INPP5F: variants seen among roughly 807,000 people sequenced by gnomAD.
INPP5F encodes inositol polyphosphate-5-phosphatase F.
INPP5F carries 97 observed loss-of-function variants against 137.2 expected under a neutral mutation model. The observed-to-expected ratio is 0.71, with a 90% CI of 0.60 to 0.84. INPP5F has a LOEUF of 0.84. Among genes scored for constraint, INPP5F ranks in the 40% least tolerant of loss-of-function variants. The pLI, the probability that INPP5F is intolerant of heterozygous loss-of-function variation, is 0.00. For synonymous variants in INPP5F, 504 were observed against 476.9 expected, an observed-to-expected ratio of 1.06 and a Z score of -0.74; for missense variants, 1,271 against 1,371.9, an observed-to-expected ratio of 0.93 and a Z score of 1.16.
intron 1 of INPP5F, among the ~76,000 whole-genome samples, chr10:119,743,115 A>G (rs1848425736): frequency 6.6e-6 from 1 of 152,220 alleles, no homozygotes; most frequent in Admixed American, 6.5e-5. Context: ...TCTTTGTCTC[A>G]AATAGACCAG....
chr10:119,760,308 G>A (rs558396572), intron 2 of INPP5F, among the ~76,000 whole-genome samples: 4 of 152,230 alleles, frequency 2.6e-5, no homozygotes, highest in East Asian at 1.9e-4. Context: ...GTGCAGTGGC[G>A]CGTGCCTGTA....
chr10:119,780,323 C>T (rs1005059033), intron 2 of INPP5F, among the ~76,000 whole-genome samples: 1 of 151,912 alleles, frequency 6.6e-6, no homozygotes, highest in African/African-American at 2.4e-5. Context: ...GCCTATAATC[C>T]CAGCACTTTG....
chr10:119,817,627 A>G (rs963924737), intron 15 of INPP5F, among the ~76,000 whole-genome samples: 1 of 151,588 alleles, frequency 6.6e-6, no homozygotes, highest in Admixed American at 6.6e-5. Context: ...CTTGTTGGCT[A>G]TTTCTGTGTC....
rs1299367714 is a variant in INPP5F at position 119,822,180 on chromosome 10, G to A, written c.1959-251G>A. 5.3e-5 allele frequency among the ~76,000 whole-genome samples: 8 copies of A among 152,056 alleles called. No individual in the cohort carries two copies. The East Asian group carries it at 1.2e-3, about 22-fold the overall frequency. ...TGGGATTACAGGTGTGAGCCACCACGCCTGGCCGTAGTTGCTTTTTTTAAC... is the reference window on the plus strand; with the variant it reads ...TGGGATTACAGGTGTGAGCCACCACACCTGGCCGTAGTTGCTTTTTTTAAC... On this transcript the variant is annotated intron_variant, in intron 16 of 19. Transcript: ENST00000650623.
chr10:119,747,699 G>C (rs542739309), intron 1 of INPP5F, among the ~76,000 whole-genome samples: 5 of 152,048 alleles, frequency 3.3e-5, no homozygotes, highest in Non-Finnish European at 4.4e-5. Context: ...ATTAATTAGA[G>C]AGGCAAATAT....
rs1004776498 is a variant in INPP5F, at chr10:119,748,133, C to T, written c.98-2943C>T. On this transcript the variant is annotated intron_variant, in intron 1 of 19. Coordinates refer to ENST00000650623, the MANE Select transcript of INPP5F (RefSeq NM_014937.4). This position sits in a 1 kb window ranked among gnomAD's most constrained non-coding sequence, Gnocchi z 4.7. ...CGAGTGGTGTATGAGCGAGCGTGCA[C>T]GGTCCAGACACTATGCACAGCCAGG... Among the ~76,000 whole-genome samples, 12 of 152,186 alleles carry T rather than the reference C, an allele frequency of 7.9e-5. No homozygotes were observed. Among genetic ancestry groups the T allele is most frequent in the South Asian group, 6.2e-4 (3 of 4,832 alleles).
At chr10:119,801,592 T>C (rs1237119708) in intron 9 of INPP5F, among the ~76,000 whole-genome samples, 1 of 152,050 alleles carries the variant, frequency 6.6e-6, no homozygotes, top group Non-Finnish European at 1.5e-5. Flanking sequence ...ATTTAAAAAT[T>C]AGCCAGGCCT....
rs1850768041 is a variant in INPP5F, at chr10:119,806,052, T to A, written c.1320-308T>A. On this transcript the variant is annotated intron_variant, in intron 11 of 19. Coordinates refer to ENST00000650623, the MANE Select transcript of INPP5F (RefSeq NM_014937.4). Reference sequence around the variant, plus strand: ...CAACGGTGTTTTAAAGTGCCTTCTGTTTTTTTACATGTAGGAAAACATAAC... The same window carrying A: ...CAACGGTGTTTTAAAGTGCCTTCTGATTTTTTACATGTAGGAAAACATAAC... 2.0e-5 allele frequency among the ~76,000 whole-genome samples: 3 copies of A among 152,248 alleles called. 1 individual carries two copies. Among genetic ancestry groups the A allele is most frequent in the Admixed American group, 6.5e-5 (1 of 15,292 alleles).
At chr10:119,764,557 A>G (rs1808625133) in intron 2 of INPP5F, among the ~76,000 whole-genome samples, 1 of 151,720 alleles carries the variant, frequency 6.6e-6, no homozygotes, top group African/African-American at 2.4e-5. Flanking sequence ...TGAGTAGTAA[A>G]TACATTTTCT....
Position 119,791,582 on chromosome 10 carries a change from A to C in INPP5F, c.381A>C (p.Ser127=). The C allele has an allele frequency of 6.2e-7, 1 of 1,604,168 alleles. No homozygotes were observed. The highest frequency in any genetic ancestry group is 8.5e-7 in the Non-Finnish European group (1 of 1,171,640). Reference sequence around the variant, plus strand: ...AGATCATACCATCTCCTGATGACTCAAAGTTTCTACTGAAGACCTTTACGC... The same window carrying C: ...AGATCATACCATCTCCTGATGACTCCAAGTTTCTACTGAAGACCTTTACGC... The part of the protein sequence containing the change: ...PEKIIPSPDD[S]KFLLKTFTHI... Residue 127 remains serine (S), a synonymous_variant, in exon 4 of 20, where the codon TCA becomes TCC. Transcript: ENST00000650623.
At chr10:119,745,000 T>A (rs1019127191) in intron 1 of INPP5F, among the ~76,000 whole-genome samples, 12 of 152,024 alleles carry the variant, frequency 7.9e-5, no homozygotes, top group African/African-American at 1.7e-4. Flanking sequence ...TTTTTTCTTT[T>A]TTTTTTTTAA....
chr10:119,759,251 G>T (rs905123937), intron 2 of INPP5F, among the ~76,000 whole-genome samples: 1 of 152,100 alleles, frequency 6.6e-6, no homozygotes, highest in Non-Finnish European at 1.5e-5. Flanking sequence ...GAACTCCTGG[G>T]CTCAAGCAGT....
At position 119,751,097 on chromosome 10, in the gene INPP5F, GGAAT is replaced by G; in HGVS notation, c.120_123del (p.Trp40CysfsTer8). 6.2e-7 allele frequency: 1 copy of G among 1,610,238 alleles called. No individual in the cohort carries two copies. Among genetic ancestry groups the G allele is most frequent in the Non-Finnish European group, 8.5e-7 (1 of 1,176,578 alleles). On this transcript the variant is annotated frameshift_variant, in exon 2 of 20. Transcript: ENST00000650623. LOFTEE classifies it high-confidence loss of function. ...TTAGCTACTGATCTACTTCTTGCCT[GGAAT>G]CCCATTTGTTTGGGGTTGGTAGAAG...
In INPP5F at chr10:119,779,981, CAA is replaced by C. The variant is rs536353138; in HGVS notation, c.179-1653_179-1652del. On this transcript the variant is annotated intron_variant, in intron 2 of 19. Transcript: ENST00000650623. ...ACCAGTAACAGTCATTTATTATTAT[CAA>C]GTCTTATGTATAGATGTAATTGTAT... Among the ~76,000 whole-genome samples the C allele has an allele frequency of 1.5e-3, 235 of 152,124 alleles. 2 individuals carry two copies. Among genetic ancestry groups the C allele is most frequent in the African/African-American group, 5.3e-3 (220 of 41,472 alleles).
At chr10:119,737,624 G>C (rs1848254354) in intron 1 of INPP5F, among the ~76,000 whole-genome samples, 2 of 152,210 alleles carry the variant, frequency 1.3e-5, no homozygotes, top group Admixed American at 1.3e-4. Context: ...TTAGCTTGTG[G>C]AATGCTGGAG....
chr10:119,727,854 A>C (rs1039720011), intron 1 of INPP5F, among the ~76,000 whole-genome samples: 2 of 151,998 alleles, frequency 1.3e-5, no homozygotes, highest in African/African-American at 4.8e-5. Context: ...CACTCCCCCA[A>C]ATTTGGGTAA....
chr10:119,807,394 T>C (rs1189454648), intron 12 of INPP5F, among the ~76,000 whole-genome samples: 1 of 152,248 alleles, frequency 6.6e-6, no homozygotes, highest in Non-Finnish European at 1.5e-5. Flanking sequence ...GTTTAAGCCC[T>C]GGCTCTACCA....
Position 119,827,261 on chromosome 10 carries a change from C to T in INPP5F, c.2880C>T (p.Cys960=), listed in dbSNP as rs766470139. Residue 960 remains cysteine, a synonymous_variant, in exon 20 of 20, where the codon TGC becomes TGT. Transcript: ENST00000650623. ...TTGCCAAGCCTATGGATATTTACTG[C>T]CACAGATTTGTGCAAGATGCACAGA... is the stretch of plus-strand genomic sequence containing the variant. ...TGFAKPMDIY[C]HRFVQDAQNK... 1.2e-6 allele frequency: 2 copies of T among 1,614,106 alleles called. No homozygotes were observed. The highest frequency in any genetic ancestry group is 2.2e-5 in the South Asian group (2 of 91,080).
At chr10:119,779,712 C>T (rs1194586005) in intron 2 of INPP5F, among the ~76,000 whole-genome samples, 1 of 152,126 alleles carries the variant, frequency 6.6e-6, no homozygotes, top group Non-Finnish European at 1.5e-5. Flanking sequence ...GAATGAGCCT[C>T]CATGCCCTGC....
Sources: gnomAD v4.1 joint callset for allele counts (sites outside exome capture counted in the v4.1 genomes callset) on GRCh38, gnomAD v4.1.1 for gene constraint, Gnocchi (gnomAD v3.1) non-coding constraint, MANE v1.5 for transcripts, NCBI Gene and HGNC (gene_info 2026-07-23, HGNC 2026-07-21) for gene names.